The following RGS1 variants were observed in gnomAD, a reference collection of about 807,000 sequenced individuals.
RGS1 encodes B-cell activation protein BL34.
Under a neutral mutation model 22.2 loss-of-function variants are expected in RGS1, and 11 were observed. The observed-to-expected ratio is 0.50, with a 90% CI of 0.31 to 0.82. RGS1 has a LOEUF of 0.82. Among genes scored for constraint, RGS1 ranks in the 40% least tolerant of loss-of-function variants. The probability of loss-of-function intolerance (pLI) is 0.04; values close to 1 mark genes in which losing one functional copy is unlikely to be tolerated. For synonymous variants in RGS1, 81 were observed against 79.9 expected, an observed-to-expected ratio of 1.01 and a Z score of -0.07; for missense variants, 255 against 245.8, an observed-to-expected ratio of 1.04 and a Z score of -0.25.
At chr1:192,577,060 T>C in intron 3 of RGS1, 1 of 408,766 alleles carries the variant, frequency 2.4e-6, no homozygotes, top group Non-Finnish European at 4.3e-6. Context: ...TTAGGTATTT[T>C]CATAGATCAT....
In RGS1 at chr1:192,576,758, A is replaced by G. The variant is rs1662068054; in HGVS notation, c.219-16A>G. On this transcript the variant is annotated splice_polypyrimidine_tract_variant and intron_variant, in intron 2 of 4. Transcript: ENST00000367459. The stretch of plus-strand genomic sequence containing the variant: ...TTTAAAAATTGACTAATGTATGTAC[A>G]TTTTGTCCCCTGCAGACTTTCTGCT... 2 of 1,609,046 alleles carry G rather than the reference A, an allele frequency of 1.2e-6. No homozygotes were observed. Among genetic ancestry groups the G allele is most frequent in the Non-Finnish European group, 1.7e-6 (2 of 1,177,560 alleles).
chr1:192,576,838 A>G lies in RGS1; in HGVS notation c.280+3A>G, dbSNP rs374040122. On this transcript the variant is annotated splice_donor_region_variant and intron_variant, in intron 3 of 4. Coordinates refer to ENST00000367459, the MANE Select transcript of RGS1 (RefSeq NM_002922.4). The stretch of plus-strand genomic sequence containing the variant: ...GGAAAAACTTCTTGCCAACCAAAGT[A>G]AGTATAACTATTGAATGTTTCTGGG... The G allele has an allele frequency of 6.2e-6, 10 of 1,610,068 alleles. No homozygotes were observed. The highest frequency in any genetic ancestry group is 8.5e-6 in the Non-Finnish European group (10 of 1,177,488).
At chr1:192,577,600 A>G (rs996820497) in intron 3 of RGS1, 4 of 152,888 alleles carry the variant, frequency 2.6e-5, no homozygotes, top group Non-Finnish European at 5.8e-5. Flanking sequence ...CAGACACCCT[A>G]AGGAGCTTTA....
At chr1:192,576,726 C>A (rs1433149900) in intron 2 of RGS1, 48 bp from the exon 3 acceptor site, 1 of 1,498,880 alleles carries the variant, frequency 6.7e-7, no homozygotes, top group Non-Finnish European at 9.2e-7. Context: ...TTCATTTGTG[C>A]TTACATTTTA....
intron 4 of RGS1, chr1:192,578,852 A>G (rs2102320395): frequency 2.5e-6 from 1 of 407,032 alleles, no homozygotes; most frequent in Non-Finnish European, 4.3e-6. Context: ...ATCACTCTTT[A>G]TGATACATGG....
At position 192,579,437 on chromosome 1, in the gene RGS1, G is replaced by A. The variant is rs1013163997; in HGVS notation, c.*115G>A. ...TTTGGGTGTCTTGACAGGCCAAGAA[G>A]AACAAATGACTCAGAATGGATTAAC... On this transcript the variant is annotated 3_prime_UTR_variant, in exon 5 of 5. Coordinates refer to ENST00000367459, the MANE Select transcript of RGS1 (RefSeq NM_002922.4). The A allele has an allele frequency of 1.1e-6, 1 of 878,228 alleles. No homozygotes were observed. The allele number at this position is 878,228 out of a possible 1,614,324, so 54.4% of individuals were successfully genotyped here. A position where few individuals can be genotyped will look rare whatever the true frequency, so the allele number is the denominator to read the frequency against.
At chr1:192,578,170 G>T (rs1662096454) in intron 3 of RGS1, 52 bp from the exon 4 acceptor site, 1 of 1,552,412 alleles carries the variant, frequency 6.4e-7, no homozygotes, top group Non-Finnish European at 8.7e-7. Context: ...TTATTCATTT[G>T]TTGGTTCATT....
At chr1:192,576,556 TTATC>T (rs1414018464) in intron 2 of RGS1, 191 bp downstream of exon 2, 12 of 633,848 alleles carry the variant, frequency 1.9e-5, no homozygotes, top group Admixed American at 3.3e-5. Context: ...ATATTGGACT[TTATC>T]TATTTGGATT....
At position 192,576,275 on chromosome 1, in the gene RGS1, T is replaced by C. The variant is rs763170108; in HGVS notation, c.138-10T>C. ...AGAAATATGAATATTCACTTTTATG[T>C]CTTTTGTAGTGGAATGGATATGAAA... is the stretch of plus-strand genomic sequence containing the variant. On this transcript the variant is annotated splice_polypyrimidine_tract_variant and intron_variant, in intron 1 of 4. Transcript: ENST00000367459. 6.4e-7 allele frequency: 1 copy of C among 1,569,702 alleles called. No homozygotes were observed. The highest frequency in any genetic ancestry group is 1.4e-5 in the African/African-American group (1 of 73,900).
At chr1:192,576,997 C>T (rs964240061) in intron 3 of RGS1, 162 bp downstream of exon 3, 6 of 488,734 alleles carry the variant, frequency 1.2e-5, no homozygotes, top group Non-Finnish European at 2.1e-5. Context: ...CTTAATAATG[C>T]TGACTTAGCA....
chr1:192,576,182 T>A (rs1353092869), intron 1 of RGS1, 103 bp from the exon 2 acceptor site: 18 of 1,036,014 alleles, frequency 1.7e-5, no homozygotes, highest in Non-Finnish European at 2.4e-5. Context: ...GTATCAACCA[T>A]TTTTAGTATT....
Position 192,576,774 on chromosome 1 carries a change from A to G in RGS1, c.219A>G (p.Val73=), listed in dbSNP as rs1164655405. Residue 73 remains valine (V), a splice_region_variant and synonymous_variant, in exon 3 of 5, where the codon GTA becomes GTG. Coordinates refer to ENST00000367459, the MANE Select transcript of RGS1 (RefSeq NM_002922.4). The part of the protein sequence containing the change: ...SGMKSSKSKD[V]LSAAEVMQWS... ...TGTATGTACATTTTGTCCCCTGCAG[A>G]CTTTCTGCTGCTGAAGTAATGCAAT... 6.2e-7 allele frequency: 1 copy of G among 1,611,478 alleles called. No individual in the cohort carries two copies. The highest frequency in any genetic ancestry group is 2.2e-5 in the East Asian group (1 of 44,760).
intron 4 of RGS1, 54 bp from the exon 5 acceptor site, chr1:192,579,083 T>A (rs973219484): frequency 1.3e-6 from 2 of 1,535,538 alleles, no homozygotes; most frequent in Admixed American, 4.3e-5. Context: ...AGTAACATCA[T>A]AAAATTTGCA....
Position 192,580,023 on chromosome 1 carries a change from A to G in RGS1, c.*701A>G, listed in dbSNP as rs1662137288. 6.6e-6 allele frequency: 1 copy of G among 152,088 alleles called. No individual in the cohort carries two copies. Among genetic ancestry groups the G allele is most frequent in the East Asian group, 1.9e-4 (1 of 5,200 alleles). 9.4% of individuals were successfully genotyped at this position (152,088 alleles called of 1,614,324 possible). On this transcript the variant is annotated 3_prime_UTR_variant, in exon 5 of 5. Transcript: ENST00000367459. Reference sequence around the variant, plus strand: ...TTAAAAATAAATAAATAATTCATTTAAGATTCTTCTTTCTACCATCTCTTT... The same window carrying G: ...TTAAAAATAAATAAATAATTCATTTGAGATTCTTCTTTCTACCATCTCTTT...
chr1:192,579,242 A>C lies in RGS1; in HGVS notation c.550A>C (p.Lys184Gln). ...AQKVIYTLME[K>Q]DSYPRFLKSD... is the part of the protein sequence containing the mutation. ...AAAAGTCATATATACTCTTATGGAA[A>C]AGGACTCTTATCCCAGGTTCCTCAA... The change falls in exon 5 of 5, where the codon AAG becomes CAG. Residue 184 changes from lysine (K) to glutamine (Q), a missense_variant. Physicochemically the swap from Lys to Gln is moderately conservative, Grantham distance 53 (BLOSUM62 1). Coordinates refer to ENST00000367459, the MANE Select transcript of RGS1 (RefSeq NM_002922.4). 6.2e-7 allele frequency: 1 copy of C among 1,613,282 alleles called. No homozygotes were observed. The highest frequency in any genetic ancestry group is 2.2e-5 in the East Asian group (1 of 44,862).
intron 4 of RGS1, chr1:192,578,908 C>T (rs1057102829): frequency 1.5e-4 from 70 of 474,090 alleles, no homozygotes; most frequent in African/African-American, 1.3e-3. Flanking sequence ...GCTTCTTTTG[C>T]CTCTCCTAAC....
chr1:192,578,276 T>C lies in RGS1; in HGVS notation c.335T>C (p.Ile112Thr), dbSNP rs1321668616. Reference sequence around the variant, plus strand: ...AAGTCTGAATTCAGTGAGGAGAATATTGAGTTCTGGCTGGCTTGTGAAGAC... The same window carrying C: ...AAGTCTGAATTCAGTGAGGAGAATACTGAGTTCTGGCTGGCTTGTGAAGAC... Reference protein sequence around the residue: ...FLKSEFSEENIEFWLACEDYK... With the variant: ...FLKSEFSEENTEFWLACEDYK... Residue 112 changes from isoleucine to threonine, a missense_variant, in exon 4 of 5, where the codon ATT becomes ACT. Physicochemically the swap from Ile to Thr is moderately conservative, Grantham distance 89 (BLOSUM62 -1). Transcript: ENST00000367459. 4 of 1,612,136 alleles carry C rather than the reference T, an allele frequency of 2.5e-6. No individual in the cohort carries two copies. In the African/African-American group the frequency reaches 4.0e-5, roughly 16 times the overall value.
chr1:192,577,199 T>A (rs893668089), intron 3 of RGS1: 5 of 185,726 alleles, frequency 2.7e-5, no homozygotes, highest in Admixed American at 1.8e-4. Flanking sequence ...TACACTTGGA[T>A]GTAACAAGTA....
chr1:192,576,665 G>T (rs1662065901), intron 2 of RGS1, 109 bp from the exon 3 acceptor site: 3 of 921,484 alleles, frequency 3.3e-6, no homozygotes, highest in Non-Finnish European at 3.3e-6. Flanking sequence ...ATATTTATTA[G>T]AACTACAGTT....
Sources: gnomAD v4.1 joint callset for allele counts on GRCh38, gnomAD v4.1.1 for gene constraint, MANE v1.5 for transcripts, NCBI Gene and HGNC (gene_info 2026-07-23, HGNC 2026-07-21) for gene names.